ADGRG2: variants seen among roughly 807,000 people sequenced by gnomAD.
ADGRG2 encodes adhesion G protein-coupled receptor G2, also known as G protein-coupled receptor 64.
ADGRG2 carries 26 observed loss-of-function variants against 74.1 expected under a neutral mutation model. The observed-to-expected ratio is 0.35, with a 90% confidence interval of 0.26 to 0.49. The LOEUF is 0.49. ADGRG2 is among the 20% of genes least tolerant of loss of function. The pLI is 0.99. For synonymous variants in ADGRG2, 296 were observed against 295.2 expected, an observed-to-expected ratio of 1.00 and a Z score of -0.03; for missense variants, 619 against 763.1, an observed-to-expected ratio of 0.81 and a Z score of 2.22.
intron 3 of ADGRG2, among the ~76,000 whole-genome samples, chrX:19,067,059 C>T (rs1025419903): frequency 3.6e-5 from 4 of 111,665 alleles, no homozygotes; most frequent in Non-Finnish European, 7.5e-5. Flanking sequence ...AACATAAGGC[C>T]GATTCACACT....
At chrX:19,113,297 G>C (rs1030795586) in intron 1 of ADGRG2, among the ~76,000 whole-genome samples, 3 of 110,739 alleles carry the variant, frequency 2.7e-5, no homozygotes, top group Non-Finnish European at 5.7e-5. Flanking sequence ...AGAATCACTT[G>C]AACCTGGGAG....
intron 1 of ADGRG2, among the ~76,000 whole-genome samples, chrX:19,088,445 T>C (rs940264209): frequency 4.4e-5 from 5 of 112,442 alleles, no homozygotes; most frequent in Admixed American, 9.4e-5. Flanking sequence ...GTTTAAACTA[T>C]GTTTTGATAT....
intron 3 of ADGRG2, among the ~76,000 whole-genome samples, chrX:19,042,349 C>T (rs746023824): frequency 2.1e-4 from 23 of 110,973 alleles, no homozygotes; most frequent in Non-Finnish European, 3.8e-4. Flanking sequence ...CTGGCAAAGG[C>T]GGGGAGCAGG....
intron 15 of ADGRG2, among the ~76,000 whole-genome samples, chrX:19,017,544 T>A (rs761913963): frequency 8.9e-6 from 1 of 112,236 alleles, no homozygotes; most frequent in Non-Finnish European, 1.9e-5. Flanking sequence ...CCAGAAACTC[T>A]ATCCCCAAAA....
chrX:19,056,194 C>T (rs1052252663), intron 3 of ADGRG2, among the ~76,000 whole-genome samples: 2 of 111,628 alleles, frequency 1.8e-5, no homozygotes, highest in Non-Finnish European at 3.8e-5. Flanking sequence ...AGCTTTGGTG[C>T]CAGCCAGTCT....
intron 1 of ADGRG2, among the ~76,000 whole-genome samples, chrX:19,085,083 A>G (rs2061916398): frequency 2.7e-5 from 3 of 112,146 alleles, no homozygotes; most frequent in Admixed American, 1.9e-4. Context: ...ATACAAAAAT[A>G]TACACACAAA....
intron 1 of ADGRG2, among the ~76,000 whole-genome samples, chrX:19,121,115 G>T (rs1040255245): frequency 9.0e-6 from 1 of 111,501 alleles, no homozygotes; most frequent in Non-Finnish European, 1.9e-5. Flanking sequence ...CTCTCTGAGG[G>T]CTGCCACCTG....
intron 18 of ADGRG2, among the ~76,000 whole-genome samples, chrX:19,009,117 C>T: frequency 9.0e-6 from 1 of 110,849 alleles, no homozygotes; most frequent in Non-Finnish European, 1.9e-5. Flanking sequence ...AATTCAGCTG[C>T]TAAAGGGTTA....
chrX:19,117,376 G>T (rs1200202512), intron 1 of ADGRG2, among the ~76,000 whole-genome samples: 1 of 110,439 alleles, frequency 9.1e-6, no homozygotes, highest in African/African-American at 3.3e-5. Flanking sequence ...GGCAAAAAAA[G>T]TTTGAACACT....
intron 18 of ADGRG2, among the ~76,000 whole-genome samples, chrX:19,008,581 T>A (rs768572710): frequency 7.3e-5 from 8 of 109,495 alleles, no homozygotes; most frequent in African/African-American, 2.3e-4. Context: ...CAGGGGAGTA[T>A]CTTGAACCCG....
chrX:19,121,426 C>T (rs929214143), intron 1 of ADGRG2, among the ~76,000 whole-genome samples: 2 of 111,392 alleles, frequency 1.8e-5, no homozygotes, highest in African/African-American at 6.5e-5. Flanking sequence ...TTTCCCTTGG[C>T]CTTTATAGTA....
intron 4 of ADGRG2, among the ~76,000 whole-genome samples, chrX:19,039,758 C>G (rs1317442222): frequency 8.9e-6 from 1 of 111,807 alleles, no homozygotes; most frequent in Non-Finnish European, 1.9e-5. Context: ...GAGTGCTGGG[C>G]CCTTAGAATC....
chrX:19,077,255 G>C (rs759278464), intron 2 of ADGRG2, among the ~76,000 whole-genome samples: 1 of 106,925 alleles, frequency 9.4e-6, no homozygotes, highest in South Asian at 4.2e-4. Flanking sequence ...CCAACACTTC[G>C]GGAGGCCGAA....
chrX:19,107,637 G>GTTTTTTTTTTTT (rs74586432), intron 1 of ADGRG2, among the ~76,000 whole-genome samples: 2 of 48,036 alleles, frequency 4.2e-5, no homozygotes, highest in Non-Finnish European at 7.3e-5. Context: ...TTTGTTTTTT[G>GTTTTTTTTTTTT]TTTTTTTTTT....
chrX:19,010,560 CT>C, intron 17 of ADGRG2, 52 bp downstream of exon 17: 1 of 1,026,020 alleles, frequency 9.7e-7, no homozygotes, highest in Non-Finnish European at 1.3e-6. Flanking sequence ...TGAGCAGCAT[CT>C]TTATCTTTGG....
intron 1 of ADGRG2, among the ~76,000 whole-genome samples, chrX:19,090,272 G>C (rs1362573173): frequency 1.8e-5 from 2 of 111,521 alleles, no homozygotes; most frequent in African/African-American, 6.5e-5. Flanking sequence ...CCGTTTCTGG[G>C]CATTTGCTCA....
intron 1 of ADGRG2, among the ~76,000 whole-genome samples, chrX:19,112,310 C>T (rs1293543222): frequency 9.0e-6 from 1 of 110,703 alleles, no homozygotes; most frequent in Non-Finnish European, 1.9e-5. Context: ...CTGGGCTCAA[C>T]TGATCCTCCA....
intron 3 of ADGRG2, among the ~76,000 whole-genome samples, chrX:19,063,468 CA>C (rs1462311985): frequency 8.9e-6 from 1 of 112,359 alleles, no homozygotes; most frequent in African/African-American, 3.2e-5. Context: ...GACCTCTAGG[CA>C]AATGCCTTCA....
intron 20 of ADGRG2, among the ~76,000 whole-genome samples, chrX:19,006,844 G>T (rs1169216306): frequency 1.0e-5 from 1 of 99,296 alleles, no homozygotes; most frequent in Non-Finnish European, 2.0e-5. Flanking sequence ...CTGCAGCCTT[G>T]AGCTCCCGGG....
Sources: allele counts gnomAD v4.1 joint callset (sites outside exome capture counted in the v4.1 genomes callset), GRCh38; gene constraint gnomAD v4.1.1; transcripts MANE v1.5; gene names NCBI Gene and HGNC (gene_info 2026-07-23, HGNC 2026-07-21).